Variants in DMXL1 observed in about 807,000 individuals in gnomAD.
DMXL1 encodes dmX-like protein 1.
DMXL1 carries 99 observed loss-of-function variants against 319.2 expected under a neutral mutation model. That is an observed-to-expected ratio of 0.31 (90% confidence interval 0.26 to 0.37). DMXL1 has a LOEUF of 0.37. Ranked by LOEUF, DMXL1 falls within the 10% of genes least tolerant of loss-of-function variation. DMXL1 has a pLI of 1.00. For synonymous variants in DMXL1, 1,385 were observed against 1,235.2 expected (o/e 1.12, Z -2.54); for missense variants, 3,745 against 3,595.6 (o/e 1.04, Z -1.06).
At chr5:119,186,731 C>T (rs1016268808) in intron 28 of DMXL1, among the ~76,000 whole-genome samples, 3 of 152,142 alleles carry the variant, frequency 2.0e-5, no homozygotes, top group African/African-American at 7.2e-5. Flanking sequence ...TTAGCCATTT[C>T]TCCATTTCTG....
At chr5:119,222,497 A>G (rs1209140580) in intron 37 of DMXL1, among the ~76,000 whole-genome samples, 1 of 152,222 alleles carries the variant, frequency 6.6e-6, no homozygotes, top group African/African-American at 2.4e-5. Context: ...GAGAACTCAA[A>G]GGGAATATAT....
At chr5:119,202,541 C>G (rs1780891720) in intron 32 of DMXL1, among the ~76,000 whole-genome samples, 1 of 152,082 alleles carries the variant, frequency 6.6e-6, no homozygotes, top group South Asian at 2.1e-4. Context: ...TTAACACAAA[C>G]TTTGTTTCAT....
At chr5:119,144,729 CTATT>C (rs1451962553) in intron 15 of DMXL1, 91 bp downstream of exon 15, 8 of 742,492 alleles carry the variant, frequency 1.1e-5, no homozygotes, top group Non-Finnish European at 1.7e-5. Flanking sequence ...TTTACATTGT[CTATT>C]TGAAGTAAAA....
chr5:119,216,159 C>T (rs1581378847), intron 34 of DMXL1, among the ~76,000 whole-genome samples: 1 of 128,676 alleles, frequency 7.8e-6, no homozygotes, highest in African/African-American at 2.9e-5. Flanking sequence ...TATTAGGCAA[C>T]ATTTCAACTC....
At chr5:119,086,927 T>C (rs1185510748) in intron 1 of DMXL1, among the ~76,000 whole-genome samples, 1 of 152,128 alleles carries the variant, frequency 6.6e-6, no homozygotes, top group Non-Finnish European at 1.5e-5. Flanking sequence ...GGTTCAATCT[T>C]GGTAGGTTGT....
chr5:119,169,387 A>C (rs555352001), intron 23 of DMXL1, among the ~76,000 whole-genome samples: 36 of 152,210 alleles, frequency 2.4e-4, no homozygotes, highest in Admixed American at 1.6e-3. Flanking sequence ...GATTGATTAC[A>C]TAGGACTGGA....
intron 34 of DMXL1, among the ~76,000 whole-genome samples, chr5:119,214,343 C>T (rs1171447861): frequency 6.6e-6 from 1 of 152,154 alleles, no homozygotes; most frequent in Non-Finnish European, 1.5e-5. Flanking sequence ...TGCCCTAATC[C>T]AACCCACTAT....
At chr5:119,148,150 G>A (rs1225277825) in intron 17 of DMXL1, among the ~76,000 whole-genome samples, 8 of 152,154 alleles carry the variant, frequency 5.3e-5, no homozygotes, top group Admixed American at 5.2e-4. Flanking sequence ...GTTGTAGTTA[G>A]GAATCTTCTC....
rs572291582 is a variant in DMXL1, at chr5:119,140,733, G to A, written c.2377-3108G>A. 2.6e-5 allele frequency among the ~76,000 whole-genome samples: 4 copies of A among 152,004 alleles called. No homozygotes were observed. The South Asian group carries it at 8.3e-4, about 32-fold the overall frequency. On this transcript the variant is annotated intron_variant, in intron 13 of 43. Transcript: ENST00000539542. ...ACTATTCCAAAAAATTGAGGAGGAG[G>A]GACTCCTCCCCAACTAATTTTTTGA...
chr5:119,102,513 C>A (rs187441557), intron 3 of DMXL1, among the ~76,000 whole-genome samples: 3 of 152,126 alleles, frequency 2.0e-5, no homozygotes, highest in Non-Finnish European at 4.4e-5. Flanking sequence ...TATAAATATT[C>A]GAATCATGTT....
chr5:119,182,706 C>T (rs1776995725), intron 28 of DMXL1, among the ~76,000 whole-genome samples: 1 of 151,972 alleles, frequency 6.6e-6, no homozygotes, highest in African/African-American at 2.4e-5. Flanking sequence ...TGTTAATGTA[C>T]ATAAATTAAC....
chr5:119,103,249 T>C (rs184402869), intron 3 of DMXL1, among the ~76,000 whole-genome samples: 1 of 152,302 alleles, frequency 6.6e-6, no homozygotes, highest in Non-Finnish European at 1.5e-5. Flanking sequence ...ATGGGAATAT[T>C]ATTAGGCTAA....
At chr5:119,241,789 T>C (rs1788871826) in intron 42 of DMXL1, among the ~76,000 whole-genome samples, 1 of 152,104 alleles carries the variant, frequency 6.6e-6, no homozygotes, top group Non-Finnish European at 1.5e-5. Context: ...CACTTTTCAC[T>C]GCAATATACA....
At position 119,071,426 on chromosome 5, in the gene DMXL1, G is replaced by T. The variant is rs1282023276; in HGVS notation, c.-144G>T. 4 of 793,586 alleles carry T rather than the reference G, an allele frequency of 5.0e-6. No homozygotes were observed. Among genetic ancestry groups the T allele is most frequent in the Non-Finnish European group, 8.2e-6 (4 of 487,726 alleles). 49.2% of individuals were successfully genotyped at this position (793,586 alleles called of 1,614,324 possible). ...GATGAGTCGCGGGCCCCAGCTGAGC[G>T]GCTCCGGCTCCAGGCGCCTGTCGCT... On this transcript the variant is annotated 5_prime_UTR_variant, in exon 1 of 44. Coordinates refer to ENST00000539542, the MANE Select transcript of DMXL1 (RefSeq NM_001290321.3).
In DMXL1 at chr5:119,147,335, T is replaced by G; in HGVS notation, c.2776T>G (p.Phe926Val). ...TTCTCCAGAGAAGATCCTATCTCCT[T>G]TTTCACAAAAGTATCAGGCTTGCAG... ...SSSPEKILSPFSQKYQACRAN... is the reference protein window; with the variant it reads ...SSSPEKILSPVSQKYQACRAN... The change falls in exon 17 of 44, where the codon TTT becomes GTT. Residue 926 changes from phenylalanine to valine, a missense_variant. This residue lies in a region of DMXL1 where 2,096 missense variants were observed against 1,985.4 expected (regional missense o/e 1.06). Transcript: ENST00000539542. 6.2e-7 allele frequency: 1 copy of G among 1,613,574 alleles called. No homozygotes were observed. The highest frequency in any genetic ancestry group is 8.5e-7 in the Non-Finnish European group (1 of 1,179,706).
At chr5:119,238,774 T>A in intron 40 of DMXL1, 7 of 481,540 alleles carry the variant, frequency 1.5e-5, no homozygotes, top group Non-Finnish European at 1.9e-5. Flanking sequence ...GCAAAACAAA[T>A]GTGCCAAAAT....
intron 36 of DMXL1, 57 bp from the exon 37 acceptor site, chr5:119,220,883 G>T: frequency 1.3e-6 from 2 of 1,575,994 alleles, no homozygotes; most frequent in East Asian, 2.2e-5. Flanking sequence ...GACCTTTCAA[G>T]TGTAAAAAAG....
chr5:119,170,030 G>T (rs1214263164), intron 23 of DMXL1, among the ~76,000 whole-genome samples, 160 bp from the exon 24 acceptor site: 1 of 152,128 alleles, frequency 6.6e-6, no homozygotes, highest in Non-Finnish European at 1.5e-5. Flanking sequence ...TTATAAATGT[G>T]TTGTTGTCTC....
chr5:119,099,374 C>A (rs1286181869), intron 2 of DMXL1, among the ~76,000 whole-genome samples: 4 of 152,004 alleles, frequency 2.6e-5, no homozygotes, highest in African/African-American at 9.7e-5. Context: ...TCATACCCGG[C>A]TAATTTTTGT....
Sources: allele counts gnomAD v4.1 joint callset (sites outside exome capture counted in the v4.1 genomes callset), GRCh38; gene constraint gnomAD v4.1.1; regional missense constraint gnomAD v4.1.1; transcripts MANE v1.5; gene names NCBI Gene and HGNC (gene_info 2026-07-23, HGNC 2026-07-21).